The following NDUFA5 variants were observed in gnomAD, a reference collection of about 807,000 sequenced individuals.
NDUFA5 encodes NADH dehydrogenase [ubiquinone] 1 alpha subcomplex subunit 5.
Under a neutral mutation model 19.8 loss-of-function variants are expected in NDUFA5, and 11 were observed. The ratio of observed to expected loss-of-function variants is 0.56; its 90% confidence interval spans 0.35 to 0.92. The LOEUF (loss-of-function observed/expected upper bound fraction) is 0.92. Among genes scored for constraint, NDUFA5 ranks in the 40% least tolerant of loss-of-function variants. NDUFA5 has a pLI of 0.01. For synonymous variants in NDUFA5, 47 were observed against 46.8 expected (o/e 1.00, Z -0.01); for missense variants, 109 against 134.2 (o/e 0.81, Z 0.93).
In NDUFA5 at chr7:123,538,076, A is replaced by C. The variant is rs1473162770; in HGVS notation, c.*4043T>G. On this transcript the variant is annotated 3_prime_UTR_variant, in exon 5 of 5. Transcript: ENST00000355749. ...ATAAATTTTGTGGCACAGTCAAAAA[A>C]AAATTTAACCTTGGTTGTTTCTTTT... 1.3e-5 allele frequency: 2 copies of C among 152,192 alleles called. No homozygotes were observed. Among genetic ancestry groups the C allele is most frequent in the Admixed American group, 6.5e-5 (1 of 15,280 alleles). 9.4% of individuals were successfully genotyped at this position (152,192 alleles called of 1,614,324 possible).
chr7:123,576,166 AT>A, the NDUFA5 span, among the ~76,000 whole-genome samples: 45 of 150,296 alleles, frequency 3.0e-4, no homozygotes, highest in African/African-American at 9.3e-4. Flanking sequence ...CATCTTCTAT[AT>A]TTTTTATGGT....
chr7:123,570,576 C>G, the NDUFA5 span, among the ~76,000 whole-genome samples: 1 of 152,200 alleles, frequency 6.6e-6, no homozygotes, highest in African/African-American at 2.4e-5. Flanking sequence ...CTCACTCACT[C>G]TAGCAGGCAT....
the NDUFA5 span, among the ~76,000 whole-genome samples, chr7:123,594,922 T>C: frequency 2.0e-5 from 3 of 152,206 alleles, no homozygotes; most frequent in African/African-American, 7.2e-5. Flanking sequence ...TAGGCCTTGC[T>C]GAGCAGCCGT....
chr7:123,575,641 A>C, the NDUFA5 span, among the ~76,000 whole-genome samples: 2 of 152,034 alleles, frequency 1.3e-5, no homozygotes, highest in South Asian at 4.1e-4. Context: ...GTTTGGTTGT[A>C]ACAATATGTT....
the NDUFA5 span, among the ~76,000 whole-genome samples, chr7:123,582,150 C>T: frequency 6.6e-6 from 1 of 151,974 alleles, no homozygotes; most frequent in Non-Finnish European, 1.5e-5. Flanking sequence ...TAAAATGCTC[C>T]TGTGGCTTCT....
the NDUFA5 span, among the ~76,000 whole-genome samples, chr7:123,566,341 C>T: frequency 1.8e-3 from 274 of 152,314 alleles, 2 homozygotes; most frequent in African/African-American, 6.3e-3. Flanking sequence ...TATATTGGAC[C>T]TCTAGCCTCC....
chr7:123,580,746 C>T, the NDUFA5 span, among the ~76,000 whole-genome samples: 1 of 151,908 alleles, frequency 6.6e-6, no homozygotes. Flanking sequence ...GTGCAGTATA[C>T]AACCTGCACA....
the NDUFA5 span, among the ~76,000 whole-genome samples, chr7:123,596,169 GGA>G: frequency 1.2e-4 from 9 of 75,102 alleles, no homozygotes; most frequent in Non-Finnish European, 1.2e-4. Flanking sequence ...CTCTTATATT[GGA>G]AAAAAAAATT....
intron 3 of NDUFA5, chr7:123,546,747 C>A: frequency 8.2e-7 from 1 of 1,217,806 alleles, no homozygotes; most frequent in South Asian, 1.3e-5. Flanking sequence ...TGTTTCTTCA[C>A]CACTTTTCAA....
Position 123,541,973 on chromosome 7 carries a change from C to T in NDUFA5, c.*146G>A. 1 of 464,264 alleles carries T rather than the reference C, an allele frequency of 2.2e-6. No homozygotes were observed. The highest frequency in any genetic ancestry group is 3.6e-6 in the Non-Finnish European group (1 of 274,632). 28.8% of individuals were successfully genotyped at this position (464,264 alleles called of 1,614,324 possible). On this transcript the variant is annotated 3_prime_UTR_variant, in exon 5 of 5. Transcript: ENST00000355749. Reference sequence around the variant, plus strand: ...AAATTGATTCACATGACCATATTACCATAATCACCAATTTTAACAGTCTCC... The same window carrying T: ...AAATTGATTCACATGACCATATTACTATAATCACCAATTTTAACAGTCTCC...
chr7:123,546,897 T>G, intron 3 of NDUFA5: 2 of 417,288 alleles, frequency 4.8e-6, no homozygotes, highest in South Asian at 3.6e-5. Flanking sequence ...AGACTTCACA[T>G]ATATGATCAA....
chr7:123,572,088 A>G, the NDUFA5 span, among the ~76,000 whole-genome samples: 1 of 139,678 alleles, frequency 7.2e-6, no homozygotes, highest in Non-Finnish European at 1.5e-5. Context: ...GTGCCAGACC[A>G]GTTGTCTTGT....
intron 3 of NDUFA5, chr7:123,546,840 T>C (rs1320307145): frequency 7.8e-6 from 4 of 510,728 alleles, no homozygotes; most frequent in African/African-American, 3.9e-5. Context: ...ACAAAAGATA[T>C]ACATGTATTA....
chr7:123,597,661 G>A, the NDUFA5 span, among the ~76,000 whole-genome samples: 38 of 151,812 alleles, frequency 2.5e-4, no homozygotes, highest in Non-Finnish European at 3.8e-4. Flanking sequence ...GTGAAACCCC[G>A]TATCTACTAA....
chr7:123,600,960 T>C, the NDUFA5 span, among the ~76,000 whole-genome samples: 69 of 152,220 alleles, frequency 4.5e-4, no homozygotes, highest in African/African-American at 1.5e-3. Context: ...AATGAGGGTT[T>C]GTAAAATAAG....
the NDUFA5 span, among the ~76,000 whole-genome samples, chr7:123,574,793 G>T: frequency 6.6e-6 from 1 of 151,940 alleles, no homozygotes; most frequent in Non-Finnish European, 1.5e-5. Flanking sequence ...TTCTTATCTA[G>T]TAACAGGCAG....
At chr7:123,568,524 G>GAA in the NDUFA5 span, among the ~76,000 whole-genome samples, 7 of 87,602 alleles carry the variant, frequency 8.0e-5, no homozygotes, top group Admixed American at 1.2e-4. Context: ...TCCATCTCAA[G>GAA]AAAAAAAAAA....
rs113161747 is a variant in NDUFA5, at chr7:123,551,211, CT to C, written c.67-626del. Among the ~76,000 whole-genome samples the C allele has an allele frequency of 5.8e-3, 740 of 127,980 alleles. 4 individuals are homozygous for C. The highest frequency in any genetic ancestry group is 0.027 in the Admixed American group (357 of 13,000). 84.0% of individuals were successfully genotyped at this position (127,980 alleles called of 152,430 possible). A position where few individuals can be genotyped will look rare whatever the true frequency, so the allele number is the denominator to read the frequency against. On this transcript the variant is annotated intron_variant, in intron 2 of 4. Coordinates refer to ENST00000355749, the MANE Select transcript of NDUFA5 (RefSeq NM_005000.5). Reference sequence around the variant, plus strand: ...ACTAAATCAGTATTTTTCTTTCTTTCTTTTTTTTTTTTTTGAAACGGAGTTT... The same window carrying C: ...ACTAAATCAGTATTTTTCTTTCTTTCTTTTTTTTTTTTTGAAACGGAGTTT...
the NDUFA5 span, among the ~76,000 whole-genome samples, chr7:123,592,611 A>G: frequency 6.6e-6 from 1 of 152,116 alleles, no homozygotes; most frequent in East Asian, 1.9e-4. Flanking sequence ...GAGTTTCTTA[A>G]TCCTTATTTC....
Sources: gnomAD v4.1 joint callset for allele counts (sites outside exome capture counted in the v4.1 genomes callset) on GRCh38, gnomAD v4.1.1 for gene constraint, MANE v1.5 for transcripts, NCBI Gene and HGNC (gene_info 2026-07-23, HGNC 2026-07-21) for gene names.